The following TICRR variants were observed in gnomAD, a reference collection of about 807,000 sequenced individuals.
TICRR encodes TOPBP1 interacting checkpoint and replication regulator.
In TICRR, 132 loss-of-function variants were observed where a neutral mutation model predicts 178.1. That is an observed-to-expected ratio of 0.74 (90% CI 0.64 to 0.86). The LOEUF (loss-of-function observed/expected upper bound fraction) is 0.86. Ranked by LOEUF, TICRR falls within the 40% of genes least tolerant of loss-of-function variation. TICRR has a pLI of 0.00. For synonymous variants in TICRR, 991 were observed against 900.7 expected (o/e 1.10, Z -1.79); for missense variants, 2,587 against 2,334.3 (o/e 1.11, Z -2.23).
rs998229137 is a variant in TICRR, at chr15:89,619,224, T to C, written c.3020-484T>C. 1.4e-4 allele frequency among the ~76,000 whole-genome samples: 20 copies of C among 141,388 alleles called. 1 individual carries two copies. Among genetic ancestry groups the C allele is most frequent in the Middle Eastern group, 3.5e-3 (1 of 284 alleles). 92.8% of individuals were successfully genotyped at this position (141,388 alleles called of 152,430 possible). ...GTTTTCGCCCTACACCATTCTTCTT[T>C]TTTTTTTTTTTTTTTTGGTGAGACA... On this transcript the variant is annotated intron_variant, in intron 17 of 21. Transcript: ENST00000268138.
intron 3 of TICRR, 63 bp downstream of exon 3, chr15:89,584,590 T>G (rs1302924176): frequency 5.7e-5 from 84 of 1,475,500 alleles, no homozygotes; most frequent in Non-Finnish European, 7.5e-5. Context: ...GTGAAATAAG[T>G]GTGTTTATAA....
rs1323222829 is a variant in TICRR at position 89,584,547 on chromosome 15, G to A, written c.1176+20G>A. ...CACCTGGTAGGTATCCTCCACACGG[G>A]AAGTTATTCTTGTCTAACAACACAC... On this transcript the variant is annotated intron_variant, in intron 3 of 21. Transcript: ENST00000268138. 6.6e-7 allele frequency: 1 copy of A among 1,519,912 alleles called. No individual in the cohort carries two copies. The highest frequency in any genetic ancestry group is 1.3e-5 in the South Asian group (1 of 75,872). 94.2% of individuals were successfully genotyped at this position (1,519,912 alleles called of 1,614,324 possible).
In TICRR at chr15:89,624,569, C is replaced by A; in HGVS notation, c.4259C>A (p.Ser1420Tyr). The change falls in exon 20 of 22, where the codon TCT becomes TAT. Residue 1420 changes from serine to tyrosine, a missense_variant. By Grantham distance (144) the Ser-to-Tyr change is moderately radical (BLOSUM62 -2). Transcript: ENST00000268138. Reference sequence around the variant, plus strand: ...GACAGCCCAGCTGCCCCCACAGACTCTAGAGATGACCAGAAGGGACTGAGC... The same window carrying A: ...GACAGCCCAGCTGCCCCCACAGACTATAGAGATGACCAGAAGGGACTGAGC... Reference protein sequence around the residue: ...TADSPAAPTDSRDDQKGLSLS... With the variant: ...TADSPAAPTDYRDDQKGLSLS... The A allele has an allele frequency of 6.2e-7, 1 of 1,613,908 alleles. No individual in the cohort carries two copies. The highest frequency in any genetic ancestry group is 8.5e-7 in the Non-Finnish European group (1 of 1,179,974).
At chr15:89,593,665 C>A (rs1251717701) in intron 5 of TICRR, among the ~76,000 whole-genome samples, 1 of 152,174 alleles carries the variant, frequency 6.6e-6, no homozygotes, top group African/African-American at 2.4e-5. Flanking sequence ...AAGATCGCGC[C>A]ACTGCACTCC....
chr15:89,619,747 C>T lies in TICRR; in HGVS notation c.3059C>T (p.Ser1020Leu). Residue 1020 changes from serine (S) to leucine (L), a missense_variant, in exon 18 of 22, where the codon TCA becomes TTA. Transcript: ENST00000268138. ...CGAAGTCCTCGAATCAAGCAGTTGT[C>T]ATTTAGCAGGACACATTCTGCCTCC... ...LRRSPRIKQL[S>L]FSRTHSASFY... 1 of 1,613,908 alleles carries T rather than the reference C, an allele frequency of 6.2e-7. No homozygotes were observed. The highest frequency in any genetic ancestry group is 8.5e-7 in the Non-Finnish European group (1 of 1,179,988).
At chr15:89,594,362 G>A in intron 5 of TICRR, 53 bp from the exon 6 acceptor site, 1 of 1,483,998 alleles carries the variant, frequency 6.7e-7, no homozygotes, top group Non-Finnish European at 9.1e-7. Context: ...TATTTCTAAA[G>A]CATTTTGCAA....
At chr15:89,604,107 A>G (rs1963138826) in intron 13 of TICRR, among the ~76,000 whole-genome samples, 1 of 152,198 alleles carries the variant, frequency 6.6e-6, no homozygotes, top group African/African-American at 2.4e-5. Context: ...AAAAAGGGAG[A>G]CTAAAAACAC....
At chr15:89,617,081 C>T (rs920320084) in intron 16 of TICRR, among the ~76,000 whole-genome samples, 1 of 152,138 alleles carries the variant, frequency 6.6e-6, no homozygotes, top group Non-Finnish European at 1.5e-5. Flanking sequence ...GCTCACTGCC[C>T]TCCTCAGGTC....
At chr15:89,579,964 A>C (rs1401461336) in intron 1 of TICRR, 2 of 152,212 alleles carry the variant, frequency 1.3e-5, no homozygotes, top group African/African-American at 4.8e-5. Context: ...CGCCATGCAC[A>C]CATTACCTTT....
chr15:89,593,858 A>G (rs1260171199), intron 5 of TICRR, among the ~76,000 whole-genome samples: 2 of 152,228 alleles, frequency 1.3e-5, no homozygotes, highest in African/African-American at 2.4e-5. Flanking sequence ...TAAAATACAA[A>G]TAACACATTT....
At chr15:89,607,437 G>C (rs1205044883) in intron 14 of TICRR, among the ~76,000 whole-genome samples, 3 of 152,098 alleles carry the variant, frequency 2.0e-5, no homozygotes, top group Non-Finnish European at 4.4e-5. Flanking sequence ...TTGTCAGTTG[G>C]TGAACTTTAG....
intron 19 of TICRR, among the ~76,000 whole-genome samples, chr15:89,623,033 G>A (rs182015368): frequency 6.6e-6 from 1 of 152,264 alleles, no homozygotes; most frequent in African/African-American, 2.4e-5. Context: ...CTGTAGGAAA[G>A]ATAAGCATTG....
intron 15 of TICRR, among the ~76,000 whole-genome samples, chr15:89,610,084 T>G (rs1207840885): frequency 6.6e-6 from 1 of 152,254 alleles, no homozygotes; most frequent in Non-Finnish European, 1.5e-5. Context: ...CATTCTATTG[T>G]TGTAAAACAT....
At chr15:89,608,228 C>A (rs1963202959) in intron 14 of TICRR, among the ~76,000 whole-genome samples, 1 of 152,092 alleles carries the variant, frequency 6.6e-6, no homozygotes, top group African/African-American at 2.4e-5. Flanking sequence ...TACTACAAAC[C>A]ACTGTATACC....
chr15:89,616,555 T>A, intron 16 of TICRR, 60 bp downstream of exon 16: 1 of 1,372,136 alleles, frequency 7.3e-7, no homozygotes, highest in Non-Finnish European at 1.0e-6. Context: ...AGCGGCCTTG[T>A]GGGCCACTAC....
intron 15 of TICRR, among the ~76,000 whole-genome samples, chr15:89,615,765 G>A (rs766330882): frequency 5.9e-5 from 9 of 151,996 alleles, no homozygotes; most frequent in Non-Finnish European, 7.4e-5. Context: ...GTGGCATATC[G>A]GCATTTTCAC....
intron 4 of TICRR, among the ~76,000 whole-genome samples, chr15:89,591,019 C>A (rs1253890087): frequency 2.6e-5 from 4 of 152,168 alleles, no homozygotes; most frequent in African/African-American, 9.7e-5. Context: ...TCACACTCCC[C>A]AATACAGAGC....
chr15:89,617,837 G>A (rs1245641526), intron 16 of TICRR, among the ~76,000 whole-genome samples: 8 of 152,018 alleles, frequency 5.3e-5, no homozygotes, highest in Admixed American at 3.9e-4. Flanking sequence ...GACTACAGGC[G>A]CATGCCACCA....
rs181215692 is a variant in TICRR at position 89,591,976 on chromosome 15, A to C, written c.1412-71A>C. 131 of 1,457,764 alleles carry C rather than the reference A, an allele frequency of 9.0e-5. 1 individual carries two copies. In the African/African-American group the frequency reaches 1.7e-3, roughly 18 times the overall value. 90.3% of individuals were successfully genotyped at this position (1,457,764 alleles called of 1,614,324 possible). A position where few individuals can be genotyped will look rare whatever the true frequency, so the allele number is the denominator to read the frequency against. ...GATGCAGTCAGTCCAGGGGAGGAGC[A>C]AGTGCTTAGAATTCTCTGCTTTGGT... On this transcript the variant is annotated intron_variant, in intron 4 of 21. Coordinates refer to ENST00000268138, the MANE Select transcript of TICRR (RefSeq NM_152259.4).
Sources: allele counts gnomAD v4.1 joint callset (sites outside exome capture counted in the v4.1 genomes callset), GRCh38; gene constraint gnomAD v4.1.1; transcripts MANE v1.5; gene names NCBI Gene and HGNC (gene_info 2026-07-23, HGNC 2026-07-21).